The following TBC1D5 variants were observed in gnomAD, a reference collection of about 807,000 sequenced individuals.
The protein encoded by TBC1D5 is TBC1 domain family member 5, also known as TBC1 domain family, member 5.
Under a neutral mutation model 100.3 loss-of-function variants are expected in TBC1D5, and 75 were observed. That is an observed-to-expected ratio of 0.75 (90% confidence interval 0.62 to 0.91). The LOEUF is 0.91. Ranked by LOEUF, TBC1D5 falls within the 40% of genes least tolerant of loss-of-function variation. The pLI, the probability that TBC1D5 is intolerant of heterozygous loss-of-function variation, is 0.00. For missense variants in TBC1D5, 910 were observed against 942.4 expected (o/e 0.97, Z 0.45); for synonymous variants, 323 against 325.6 (o/e 0.99, Z 0.09).
intron 1 of TBC1D5, among the ~76,000 whole-genome samples, chr3:17,669,850 T>C (rs1022146858): frequency 1.3e-5 from 2 of 152,318 alleles, no homozygotes; most frequent in Middle Eastern, 3.4e-3. Flanking sequence ...TCAAGGTATA[T>C]ATCTTTAACC....
At chr3:17,171,133 A>C (rs1239632999) in intron 19 of TBC1D5, among the ~76,000 whole-genome samples, 2 of 152,112 alleles carry the variant, frequency 1.3e-5, no homozygotes, top group Non-Finnish European at 2.9e-5. Context: ...CAAGAGTGGA[A>C]GTGGTGGTGC....
At chr3:17,546,572 T>A (rs1452842834) in intron 2 of TBC1D5, among the ~76,000 whole-genome samples, 3 of 151,042 alleles carry the variant, frequency 2.0e-5, no homozygotes, top group Non-Finnish European at 4.4e-5. Flanking sequence ...GAAACCAACC[T>A]GGGCAACACG....
chr3:17,214,419 A>C, intron 17 of TBC1D5, 49 bp from the exon 19 acceptor site: 2 of 1,564,616 alleles, frequency 1.3e-6, no homozygotes, highest in Non-Finnish European at 1.7e-6. Flanking sequence ...CTCTTTCACT[A>C]AGCTATTCGA....
chr3:17,223,558 C>T (rs1054886960), intron 17 of TBC1D5, among the ~76,000 whole-genome samples: 2 of 152,104 alleles, frequency 1.3e-5, no homozygotes, highest in Non-Finnish European at 2.9e-5. Context: ...CCAGATTTGT[C>T]CAAACTTAAA....
chr3:17,527,160 A>T (rs916765119), intron 2 of TBC1D5, among the ~76,000 whole-genome samples: 2 of 151,666 alleles, frequency 1.3e-5, no homozygotes, highest in South Asian at 4.1e-4. Context: ...AAGAAAATGT[A>T]AAGAGGCCTA....
At chr3:17,272,724 G>T (rs1448885869) in intron 15 of TBC1D5, among the ~76,000 whole-genome samples, 1 of 152,170 alleles carries the variant, frequency 6.6e-6, no homozygotes, top group Non-Finnish European at 1.5e-5. Context: ...AAGGGTTCAT[G>T]AAAATATGAA....
At chr3:17,643,800 T>C (rs2064762103) in intron 1 of TBC1D5, among the ~76,000 whole-genome samples, 1 of 152,140 alleles carries the variant, frequency 6.6e-6, no homozygotes, top group African/African-American at 2.4e-5. Flanking sequence ...TACTGTTTTG[T>C]TTTATATAAT....
chr3:17,168,295 T>A (rs1209009460), intron 19 of TBC1D5, among the ~76,000 whole-genome samples: 1 of 152,210 alleles, frequency 6.6e-6, no homozygotes, highest in Admixed American at 6.5e-5. Flanking sequence ...CAGTAAAACA[T>A]GTTGCCATTT....
intron 1 of TBC1D5, among the ~76,000 whole-genome samples, chr3:17,720,993 C>T (rs1044202857): frequency 2.0e-5 from 3 of 151,968 alleles, no homozygotes; most frequent in Non-Finnish European, 4.4e-5. Flanking sequence ...GTGTGCACTA[C>T]AACGCCTGAG....
At chr3:17,688,147 C>G (rs956958609) in intron 1 of TBC1D5, among the ~76,000 whole-genome samples, 1 of 152,064 alleles carries the variant, frequency 6.6e-6, no homozygotes. Flanking sequence ...GAACTGTTCA[C>G]AGTATTAAAT....
chr3:17,474,195 A>G (rs1481780762), intron 3 of TBC1D5, among the ~76,000 whole-genome samples: 1 of 152,196 alleles, frequency 6.6e-6, no homozygotes, highest in African/African-American at 2.4e-5. Flanking sequence ...ATACTTTTAT[A>G]TAATTTACAA....
intron 3 of TBC1D5, among the ~76,000 whole-genome samples, chr3:17,490,374 A>G (rs1415624339): frequency 1.3e-5 from 2 of 151,942 alleles, no homozygotes; most frequent in Non-Finnish European, 2.9e-5. Flanking sequence ...CTTTTGTTGC[A>G]ATTGCTTTTG....
intron 13 of TBC1D5, among the ~76,000 whole-genome samples, chr3:17,348,383 T>C (rs2090162892): frequency 6.6e-6 from 1 of 152,184 alleles, no homozygotes; most frequent in African/African-American, 2.4e-5. Context: ...CTTGGTAAAA[T>C]GCGAATTGTC....
At chr3:17,532,830 C>A (rs11918823) in intron 2 of TBC1D5, among the ~76,000 whole-genome samples, 1 of 102,488 alleles carries the variant, frequency 9.8e-6, no homozygotes, top group Non-Finnish European at 1.9e-5. Context: ...ACACCGGGGA[C>A]TGTTATGGGG....
chr3:17,377,314 A>T (rs551500854), intron 9 of TBC1D5, among the ~76,000 whole-genome samples: 1 of 152,206 alleles, frequency 6.6e-6, no homozygotes, highest in South Asian at 2.1e-4. Flanking sequence ...ACAAAAAGGT[A>T]TAATATTAGT....
chr3:17,572,851 T>C (rs116956590), intron 2 of TBC1D5, among the ~76,000 whole-genome samples: 2,526 of 152,198 alleles, frequency 0.017, 50 homozygotes, highest in South Asian at 0.048. Flanking sequence ...CTTGGCTTGA[T>C]AGCAGTCAAT....
intron 4 of TBC1D5, among the ~76,000 whole-genome samples, chr3:17,425,531 A>G (rs1384960919): frequency 6.6e-6 from 1 of 152,124 alleles, no homozygotes; most frequent in Non-Finnish European, 1.5e-5. Flanking sequence ...GGAGGCTGAG[A>G]GGTGGGAGGA....
chr3:17,561,277 A>G (rs988231339), intron 2 of TBC1D5, among the ~76,000 whole-genome samples: 12 of 152,248 alleles, frequency 7.9e-5, no homozygotes, highest in African/African-American at 2.4e-4. Context: ...TTTCATACAC[A>G]TATCATACAT....
At position 17,198,231 on chromosome 3, in the gene TBC1D5, C is replaced by A. The variant is rs534405975; in HGVS notation, c.1753-13023G>T. Among the ~76,000 whole-genome samples, 26 of 152,232 alleles carry A rather than the reference C, an allele frequency of 1.7e-4. 1 individual carries two copies. The East Asian group carries it at 4.4e-3, about 26-fold the overall frequency. On this transcript the variant is annotated intron_variant, in intron 18 of 21. Coordinates refer to ENST00000253692, the Ensembl canonical transcript of TBC1D5. ...TTATAGGGGCTAGGGCTGGTGTTCC[C>A]TGTGTCTCCTTCCCAAGAGGGCCCT...
Sources: gnomAD v4.1 joint callset for allele counts (sites outside exome capture counted in the v4.1 genomes callset) on GRCh38, gnomAD v4.1.1 for gene constraint, MANE v1.5 for transcripts, NCBI Gene and HGNC (gene_info 2026-07-23, HGNC 2026-07-21) for gene names.